Variants in DMD observed in about 807,000 individuals in gnomAD.
DMD encodes dystrophin.
DMD carries 63 observed loss-of-function variants against 330.1 expected under a neutral mutation model. The observed-to-expected ratio is 0.19, with a 90% CI of 0.16 to 0.24. The LOEUF (loss-of-function observed/expected upper bound fraction) is 0.24, where lower values mean the gene tolerates loss of function less well. Ranked by LOEUF, DMD falls within the 10% of genes least tolerant of loss-of-function variation. The probability of loss-of-function intolerance (pLI) is 1.00; values close to 1 mark genes in which losing one functional copy is unlikely to be tolerated. For missense variants in DMD, 3,344 were observed against 2,684.1 expected (o/e 1.25, Z -5.43); for synonymous variants, 1,223 against 959.8 (o/e 1.27, Z -5.07).
intron 51 of DMD, among the ~76,000 whole-genome samples, chrX:31,765,843 T>C (rs927130952): frequency 9.0e-6 from 1 of 111,330 alleles, no homozygotes; most frequent in African/African-American, 3.3e-5. Context: ...CCTTTCTTAA[T>C]AGTCTTCAAC....
chrX:33,339,059 G>A (rs1179206951), intron 1 of DMD, among the ~76,000 whole-genome samples: 1 of 110,848 alleles, frequency 9.0e-6, no homozygotes, highest in Non-Finnish European at 1.9e-5. Context: ...TGAGGTTGGA[G>A]GCAAGCACAC....
chrX:32,383,229 T>A (rs1432557545), intron 33 of DMD, among the ~76,000 whole-genome samples: 1 of 110,748 alleles, frequency 9.0e-6, no homozygotes, highest in Non-Finnish European at 1.9e-5. Context: ...AGCACCTTGA[T>A]CTTGCACTCC....
At chrX:33,134,499 T>C (rs902467975) in intron 1 of DMD, among the ~76,000 whole-genome samples, 1 of 111,886 alleles carries the variant, frequency 8.9e-6, no homozygotes, top group Non-Finnish European at 1.9e-5. Context: ...CCTGAGATTA[T>C]CTGAGAATTT....
intron 29 of DMD, among the ~76,000 whole-genome samples, chrX:32,431,740 T>C (rs1395494053): frequency 8.9e-6 from 1 of 111,852 alleles, no homozygotes; most frequent in Non-Finnish European, 1.9e-5. Context: ...AACATTTATT[T>C]CTATAATATT....
chrX:31,838,228 AC>A (rs1306842684), intron 48 of DMD, among the ~76,000 whole-genome samples: 3 of 112,146 alleles, frequency 2.7e-5, no homozygotes, highest in South Asian at 3.7e-4. Context: ...TTGCAAAAAA[AC>A]ATTTTGGTGT....
intron 69 of DMD, among the ~76,000 whole-genome samples, chrX:31,179,374 T>C (rs1226111331): frequency 2.7e-5 from 3 of 112,608 alleles, no homozygotes; most frequent in African/African-American, 9.7e-5. Context: ...GGGAACCAGC[T>C]GCAGATCTCG....
chrX:32,477,566 T>C (rs1354553416), intron 21 of DMD, among the ~76,000 whole-genome samples: 3 of 110,702 alleles, frequency 2.7e-5, no homozygotes, highest in East Asian at 2.8e-4. Flanking sequence ...GAGCTAAGTA[T>C]GAAATTAGAT....
chrX:31,265,398 G>A (rs1401951469), intron 62 of DMD, among the ~76,000 whole-genome samples: 1 of 111,388 alleles, frequency 9.0e-6, no homozygotes, highest in African/African-American at 3.3e-5. Flanking sequence ...ATAAGCATCA[G>A]AAATCCATTC....
At chrX:32,393,088 C>T (rs1296531997) in intron 30 of DMD, among the ~76,000 whole-genome samples, 1 of 112,344 alleles carries the variant, frequency 8.9e-6, no homozygotes, top group African/African-American at 3.2e-5. Flanking sequence ...AACCAAAACA[C>T]AGGCATTAGT....
intron 1 of DMD, among the ~76,000 whole-genome samples, chrX:33,190,077 A>T: frequency 8.9e-6 from 1 of 111,971 alleles, no homozygotes; most frequent in South Asian, 3.7e-4. Context: ...GTTATAATTT[A>T]TCTTCTCTGT....
intron 17 of DMD, among the ~76,000 whole-genome samples, chrX:32,521,011 T>A (rs2046370198): frequency 9.0e-6 from 1 of 111,340 alleles, no homozygotes; most frequent in Admixed American, 9.5e-5. Context: ...TTCTTTCACT[T>A]CCTATTTCCA....
At chrX:32,685,833 A>G (rs1203986105) in intron 9 of DMD, among the ~76,000 whole-genome samples, 1 of 111,970 alleles carries the variant, frequency 8.9e-6, no homozygotes, top group African/African-American at 3.2e-5. Context: ...GATTTAATTG[A>G]TAGCATTCTC....
At chrX:31,823,882 CT>C (rs1409835880) in intron 49 of DMD, among the ~76,000 whole-genome samples, 3 of 111,525 alleles carry the variant, frequency 2.7e-5, no homozygotes, top group Non-Finnish European at 5.6e-5. Context: ...CCTTATTAGG[CT>C]TTTATAAATC....
chrX:31,968,195 T>C, intron 45 of DMD, 144 bp downstream of exon 45: 1 of 637,258 alleles, frequency 1.6e-6, no homozygotes, highest in Non-Finnish European at 2.4e-6. Flanking sequence ...AAAAAATTTC[T>C]TTACTGCTGT....
rs199549885 is a variant in DMD at position 32,954,115 on chromosome X, A to T, written c.93+66024T>A. On this transcript the variant is annotated intron_variant, in intron 2 of 78. Coordinates refer to ENST00000357033, the MANE Select transcript of DMD (RefSeq NM_004006.3). ...TACTATAATTTTAAGATACTAAGAC[A>T]CTTACTAGTAAAAACAATGTTTATC... Among the ~76,000 whole-genome samples the T allele has an allele frequency of 2.7e-5, 3 of 112,488 alleles. No homozygotes were observed. The East Asian group carries it at 8.3e-4, about 31-fold the overall frequency.
chrX:32,754,620 A>C lies in DMD; in HGVS notation c.649+54873T>G, dbSNP rs775604475. Among the ~76,000 whole-genome samples, 18 of 111,464 alleles carry C rather than the reference A, an allele frequency of 1.6e-4. No homozygotes were observed. In the East Asian group the frequency reaches 4.8e-3, roughly 30 times the overall value. On this transcript the variant is annotated intron_variant, in intron 7 of 78. Coordinates refer to ENST00000357033, the MANE Select transcript of DMD (RefSeq NM_004006.3). The stretch of plus-strand genomic sequence containing the variant: ...ATGAGACCATCACAACCAGTCTCAA[A>C]ACTTCTTTTCTGAAGAACAAGCTAT...
chrX:32,258,054 T>C (rs776326136), intron 43 of DMD, among the ~76,000 whole-genome samples: 7 of 109,856 alleles, frequency 6.4e-5, no homozygotes, highest in Non-Finnish European at 1.3e-4. Flanking sequence ...CCAGCAAACA[T>C]ATCAAAAAAA....
chrX:32,370,333 C>G (rs2097870429), intron 34 of DMD, among the ~76,000 whole-genome samples: 1 of 109,125 alleles, frequency 9.2e-6, no homozygotes, highest in Non-Finnish European at 1.9e-5. Context: ...TTACAGCCCC[C>G]AAAATTACTC....
intron 4 of DMD, among the ~76,000 whole-genome samples, chrX:32,825,239 A>T (rs748011334): frequency 1.8e-5 from 2 of 111,479 alleles, no homozygotes; most frequent in Non-Finnish European, 3.8e-5. Flanking sequence ...GTTGCCATGG[A>T]CCTGACTCTG....
Sources: gnomAD v4.1 joint callset for allele counts (sites outside exome capture counted in the v4.1 genomes callset) on GRCh38, gnomAD v4.1.1 for gene constraint, MANE v1.5 for transcripts, NCBI Gene and HGNC (gene_info 2026-07-23, HGNC 2026-07-21) for gene names.